CNTN6: variants seen among roughly 807,000 people sequenced by gnomAD.
CNTN6 encodes contactin-6.
CNTN6 carries 137 observed loss-of-function variants against 122.8 expected under a neutral mutation model. The ratio of observed to expected loss-of-function variants is 1.12; its 90% CI spans 0.97 to 1.29. The LOEUF (loss-of-function observed/expected upper bound fraction) is 1.29, where lower values mean the gene tolerates loss of function less well. Among genes scored for constraint, CNTN6 ranks in the 50% most tolerant of loss-of-function variants. The probability of loss-of-function intolerance (pLI) is 0.00; values close to 1 mark genes in which losing one functional copy is unlikely to be tolerated. For missense variants in CNTN6, 1,634 were observed against 1,223.4 expected (o/e 1.34, Z -5.01); for synonymous variants, 570 against 426.0 (o/e 1.34, Z -4.16).
At chr3:1,100,733 A>G (rs2090844424) in intron 1 of CNTN6, among the ~76,000 whole-genome samples, 1 of 152,234 alleles carries the variant, frequency 6.6e-6, no homozygotes, top group African/African-American at 2.4e-5. Flanking sequence ...TATTTTTTAA[A>G]AAACAGTTTT....
chr3:1,094,847 A>G (rs181173835), intron 1 of CNTN6, among the ~76,000 whole-genome samples: 12 of 152,200 alleles, frequency 7.9e-5, no homozygotes, highest in African/African-American at 2.9e-4. Context: ...GAGAAGGAAT[A>G]CAAAATATTT....
intron 2 of CNTN6, among the ~76,000 whole-genome samples, chr3:1,158,871 T>TATATACACAC (rs2093049641): frequency 9.1e-6 from 1 of 109,486 alleles, no homozygotes; most frequent in Non-Finnish European, 1.7e-5. Context: ...TACACACATA[T>TATATACACAC]ATATACACAT....
chr3:1,381,948 T>A lies in CNTN6; in HGVS notation c.2167-994T>A, dbSNP rs141459178. Among the ~76,000 whole-genome samples, 70 of 61,324 alleles carry A rather than the reference T, an allele frequency of 1.1e-3. 1 individual carries two copies. The East Asian group carries it at 0.028, about 25-fold the overall frequency. The allele number at this position is 61,324 out of a possible 152,430, so 40.2% of individuals were successfully genotyped here. On this transcript the variant is annotated intron_variant, in intron 17 of 22. Transcript: ENST00000446702. Reference sequence around the variant, plus strand: ...GGTTCTGGCGCTCGTGAATTGGTGCTCGCATGGGTTCCAAGTGGCAAGTAG... The same window carrying A: ...GGTTCTGGCGCTCGTGAATTGGTGCACGCATGGGTTCCAAGTGGCAAGTAG...
intron 4 of CNTN6, among the ~76,000 whole-genome samples, chr3:1,250,978 C>T (rs952062350): frequency 1.3e-5 from 2 of 152,058 alleles, no homozygotes; most frequent in Non-Finnish European, 2.9e-5. Flanking sequence ...GCCATTAGCC[C>T]GCACTACTCA....
At chr3:1,173,551 C>T (rs1315455960) in intron 2 of CNTN6, among the ~76,000 whole-genome samples, 1 of 152,190 alleles carries the variant, frequency 6.6e-6, no homozygotes, top group African/African-American at 2.4e-5. Context: ...GAACCCGGAC[C>T]CATCCAATCC....
intron 19 of CNTN6, among the ~76,000 whole-genome samples, chr3:1,383,856 G>T (rs1575989309): frequency 6.6e-6 from 1 of 152,126 alleles, no homozygotes; most frequent in African/African-American, 2.4e-5. Context: ...GAAAAAGGGT[G>T]GTAACCTCCA....
At chr3:1,133,891 G>A (rs4481145) in intron 1 of CNTN6, among the ~76,000 whole-genome samples, 73,114 of 152,052 alleles carry the variant, frequency 0.48, 17,811 homozygotes, top group Non-Finnish European at 0.49. Flanking sequence ...AGCAAAGGCA[G>A]TATCTGGAGC....
At chr3:1,384,770 CACATATATATATATATATATAT>C (rs1692563054) in intron 19 of CNTN6, among the ~76,000 whole-genome samples, 1 of 127,250 alleles carries the variant, frequency 7.9e-6, no homozygotes, top group Non-Finnish European at 1.6e-5. Context: ...CATATATATA[CACATATATATATATATATATAT>C]ATATACACAC....
intron 1 of CNTN6, among the ~76,000 whole-genome samples, chr3:1,129,862 CAA>C (rs1436490254): frequency 7.3e-6 from 1 of 136,674 alleles, no homozygotes; most frequent in Non-Finnish European, 1.5e-5. Flanking sequence ...CTATTTACAT[CAA>C]GACTCTATTC....
chr3:1,129,677 G>A (rs1449014216), intron 1 of CNTN6, among the ~76,000 whole-genome samples: 1 of 152,062 alleles, frequency 6.6e-6, no homozygotes, highest in Non-Finnish European at 1.5e-5. Flanking sequence ...TGTAACTCCA[G>A]CAAGTTTCCA....
At chr3:1,365,727 TAAG>T (rs767752228) in intron 12 of CNTN6, among the ~76,000 whole-genome samples, 14 of 152,034 alleles carry the variant, frequency 9.2e-5, no homozygotes, top group South Asian at 4.1e-4. Context: ...ATCCAATAAA[TAAG>T]AATTCCTTTC....
intron 2 of CNTN6, among the ~76,000 whole-genome samples, chr3:1,204,517 TACAA>T (rs749199941): frequency 3.3e-5 from 5 of 152,140 alleles, no homozygotes; most frequent in East Asian, 3.9e-4. Context: ...AATACATACA[TACAA>T]ACAATTTCTC....
At chr3:1,220,492 T>C (rs2094192402) in intron 2 of CNTN6, among the ~76,000 whole-genome samples, 195 bp from the exon 3 acceptor site, 1 of 152,170 alleles carries the variant, frequency 6.6e-6, no homozygotes, top group Non-Finnish European at 1.5e-5. Flanking sequence ...TATAAACTAA[T>C]TTATTTGGGT....
intron 1 of CNTN6, among the ~76,000 whole-genome samples, chr3:1,139,857 G>C (rs1238882733): frequency 6.6e-6 from 1 of 152,184 alleles, no homozygotes; most frequent in African/African-American, 2.4e-5. Context: ...GCGTATGACT[G>C]GTTGAAACAT....
chr3:1,311,202 A>G (rs556056585), intron 7 of CNTN6, among the ~76,000 whole-genome samples: 4 of 148,518 alleles, frequency 2.7e-5, no homozygotes, highest in African/African-American at 9.8e-5. Flanking sequence ...TAGGTGTTGT[A>G]TATATAAAAT....
chr3:1,221,537 T>C lies in CNTN6; in HGVS notation c.182+724T>C, dbSNP rs2094207799. On this transcript the variant is annotated intron_variant, in intron 3 of 22. Transcript: ENST00000446702. The stretch of plus-strand genomic sequence containing the variant: ...TGTACCCTCTAAGGCAGAAAGGGAA[T>C]TTTTATTCTGGGCAAATAAGAAAAA... Among the ~76,000 whole-genome samples, 3 of 152,174 alleles carry C rather than the reference T, an allele frequency of 2.0e-5. No individual in the cohort carries two copies. The South Asian group carries it at 6.2e-4, about 32-fold the overall frequency.
At chr3:1,213,733 A>G (rs986946130) in intron 2 of CNTN6, among the ~76,000 whole-genome samples, 1 of 151,960 alleles carries the variant, frequency 6.6e-6, no homozygotes, top group Non-Finnish European at 1.5e-5. Context: ...CGTTACTTTT[A>G]ACGTCAAGAT....
At chr3:1,103,560 A>AT (rs1313590495) in intron 1 of CNTN6, among the ~76,000 whole-genome samples, 1 of 152,190 alleles carries the variant, frequency 6.6e-6, no homozygotes, top group Non-Finnish European at 1.5e-5. Flanking sequence ...GTACGGAGTG[A>AT]TTTTGCAATA....
In CNTN6 at chr3:1,245,197, G is replaced by GAT. The variant is rs1217220571; in HGVS notation, c.358+17242_358+17243dup. 1.9e-3 allele frequency among the ~76,000 whole-genome samples: 39 copies of GAT among 20,202 alleles called. 5 individuals carry two copies. Among genetic ancestry groups the GAT allele is most frequent in the African/African-American group, 2.7e-3 (16 of 5,958 alleles). 13.3% of individuals were successfully genotyped at this position (20,202 alleles called of 152,430 possible). A position where few individuals can be genotyped will look rare whatever the true frequency, so the allele number is the denominator to read the frequency against. On this transcript the variant is annotated intron_variant, in intron 4 of 22. Transcript: ENST00000446702. ...TCAACAAGTAGGGTAAAGAAAATGT[G>GAT]ATATATATATATATATATATATATA...
Sources: allele counts gnomAD v4.1 joint callset (sites outside exome capture counted in the v4.1 genomes callset), GRCh38; gene constraint gnomAD v4.1.1; transcripts MANE v1.5; gene names NCBI Gene and HGNC (gene_info 2026-07-23, HGNC 2026-07-21).